EML4: variants seen among roughly 807,000 people sequenced by gnomAD.
EML4 encodes echinoderm microtubule-associated protein-like 4.
In EML4, 72 loss-of-function variants were observed where a neutral mutation model predicts 129.0. That is an observed-to-expected ratio of 0.56 (90% CI 0.46 to 0.68). The LOEUF is 0.68. EML4 is among the 30% of genes least tolerant of loss of function. EML4 has a pLI of 0.00. For missense variants in EML4, 1,363 were observed against 1,190.6 expected, an observed-to-expected ratio of 1.14 and a Z score of -2.13; for synonymous variants, 532 against 405.0, an observed-to-expected ratio of 1.31 and a Z score of -3.77.
At chr2:42,278,381 C>G (rs1322064014) in intron 6 of EML4, among the ~76,000 whole-genome samples, 3 of 151,976 alleles carry the variant, frequency 2.0e-5, no homozygotes, top group African/African-American at 4.8e-5. Context: ...TGAGACCAAT[C>G]TGGCCAACGT....
Position 42,195,552 on chromosome 2 carries a change from T to C in EML4, c.25+25916T>C, listed in dbSNP as rs560856060. Among the ~76,000 whole-genome samples, 8 of 152,302 alleles carry C rather than the reference T, an allele frequency of 5.3e-5. No homozygotes were observed. The East Asian group carries it at 1.5e-3, about 29-fold the overall frequency. ...ATACAAGACATAGAAAAATTTAAAATGTACGTTTGCATATGCTTGTGCCAA... is the reference window on the plus strand; with the variant it reads ...ATACAAGACATAGAAAAATTTAAAACGTACGTTTGCATATGCTTGTGCCAA... On this transcript the variant is annotated intron_variant, in intron 1 of 22. Transcript: ENST00000318522.
intron 9 of EML4, chr2:42,286,067 C>G (rs1472155680): frequency 1.6e-6 from 1 of 618,064 alleles, no homozygotes; most frequent in Non-Finnish European, 2.9e-6. Flanking sequence ...AGTAAATACA[C>G]AAGTTATTTG....
At chr2:42,254,899 C>G (rs944293617) in intron 2 of EML4, among the ~76,000 whole-genome samples, 3 of 151,922 alleles carry the variant, frequency 2.0e-5, no homozygotes, top group African/African-American at 7.3e-5. Context: ...TGATCATCAA[C>G]AGATGAATGG....
intron 17 of EML4, among the ~76,000 whole-genome samples, chr2:42,314,442 T>G (rs900754886): frequency 2.6e-5 from 4 of 152,186 alleles, no homozygotes; most frequent in Admixed American, 6.5e-5. Flanking sequence ...GCTGAAACTT[T>G]TAGGCAGCTA....
chr2:42,289,279 A>G (rs1035150545), intron 11 of EML4: 2 of 152,198 alleles, frequency 1.3e-5, no homozygotes, highest in Admixed American at 6.5e-5. Context: ...CTTCATAGTA[A>G]GGTTTACCAG....
intron 11 of EML4, chr2:42,288,825 G>C (rs925365659): frequency 3.9e-5 from 6 of 152,384 alleles, no homozygotes; most frequent in African/African-American, 1.2e-4. Flanking sequence ...CAGTACAAGG[G>C]TTGATCTCTG....
intron 1 of EML4, among the ~76,000 whole-genome samples, chr2:42,227,624 TG>T (rs1485476462): frequency 6.6e-6 from 1 of 152,144 alleles, no homozygotes; most frequent in Non-Finnish European, 1.5e-5. Context: ...TTGAACTGTG[TG>T]GGTCCACTTA....
At chr2:42,184,758 C>G (rs1671148010) in intron 1 of EML4, among the ~76,000 whole-genome samples, 1 of 152,104 alleles carries the variant, frequency 6.6e-6, no homozygotes, top group African/African-American at 2.4e-5. Context: ...ATTTGATTTT[C>G]CTTACAGAGA....
intron 13 of EML4, among the ~76,000 whole-genome samples, chr2:42,298,417 T>C (rs1464974853): frequency 6.6e-6 from 1 of 152,156 alleles, no homozygotes; most frequent in Non-Finnish European, 1.5e-5. Context: ...AATTCAAGGA[T>C]AATTATTTTC....
intron 11 of EML4, among the ~76,000 whole-genome samples, chr2:42,293,108 C>CTT (rs919853054): frequency 6.8e-6 from 1 of 147,206 alleles, no homozygotes; most frequent in Non-Finnish European, 1.5e-5. Flanking sequence ...TTATCTTCAA[C>CTT]TTTTTTTTTT....
chr2:42,225,330 G>C (rs1300813330), intron 1 of EML4, among the ~76,000 whole-genome samples: 1 of 152,082 alleles, frequency 6.6e-6, no homozygotes, highest in Non-Finnish European at 1.5e-5. Flanking sequence ...AATGCCCACT[G>C]TTTTCTATGG....
intron 1 of EML4, among the ~76,000 whole-genome samples, chr2:42,207,763 T>C (rs1672648020): frequency 6.6e-6 from 1 of 152,262 alleles, no homozygotes; most frequent in Non-Finnish European, 1.5e-5. Context: ...GACTTGTCTC[T>C]GAGTTTGGCA....
intron 1 of EML4, among the ~76,000 whole-genome samples, chr2:42,236,933 T>C (rs900541033): frequency 2.0e-5 from 3 of 152,222 alleles, no homozygotes; most frequent in African/African-American, 4.8e-5. Context: ...TCTCATTTTA[T>C]GTTTGTTGAC....
At chr2:42,173,159 C>T (rs555750954) in intron 1 of EML4, among the ~76,000 whole-genome samples, 6 of 152,214 alleles carry the variant, frequency 3.9e-5, no homozygotes, top group African/African-American at 1.4e-4. Flanking sequence ...GTCTTTTTAA[C>T]ATCACATTGT....
chr2:42,220,884 A>G (rs905941746), intron 1 of EML4, among the ~76,000 whole-genome samples: 1 of 152,188 alleles, frequency 6.6e-6, no homozygotes, highest in African/African-American at 2.4e-5. Context: ...ACCAGACACA[A>G]CATTCCCTTA....
At position 42,256,624 on chromosome 2, in the gene EML4, C is replaced by T. The variant is rs1676169853; in HGVS notation, c.332C>T (p.Ala111Val). 1.9e-6 allele frequency: 3 copies of T among 1,613,316 alleles called. No homozygotes were observed. In the Admixed American group the frequency reaches 5.0e-5, roughly 27 times the overall value. ...IAGKETLSSA[A>V]KSGTEKKKEK... ...GGAAAAGAAACTCTTTCATCTGCTG[C>T]TAAAAGGTACCCATTTATGAAAGGG... The change falls in exon 3 of 23, where the codon GCT becomes GTT. Residue 111 changes from alanine to valine, a missense_variant. Physicochemically the swap from Ala to Val is moderately conservative, Grantham distance 64. Transcript: ENST00000318522.
rs192331340 is a variant in EML4 at position 42,244,639 on chromosome 2, T to C, written c.26-866T>C. On this transcript the variant is annotated intron_variant, in intron 1 of 22. Coordinates refer to ENST00000318522, the MANE Select transcript of EML4 (RefSeq NM_019063.5). ...GAGAGAAGGAGCAGCAAAAGGTCTT[T>C]TGTTAATTACATAGCAATACCGAGT... Among the ~76,000 whole-genome samples, 461 of 152,256 alleles carry C rather than the reference T, an allele frequency of 3.0e-3. 2 individuals carry two copies. The highest frequency in any genetic ancestry group is 0.011 in the African/African-American group (446 of 41,528).
chr2:42,325,602 T>TTTTATATATATATATA (rs1286364147), intron 20 of EML4, 48 bp downstream of exon 20: 23 of 129,330 alleles, frequency 1.8e-4, no homozygotes, highest in African/African-American at 5.0e-4. Context: ...ATGATTATAT[T>TTTTATATATATATATA]TATATATATA....
At chr2:42,178,113 A>G (rs1200493329) in intron 1 of EML4, among the ~76,000 whole-genome samples, 3 of 152,160 alleles carry the variant, frequency 2.0e-5, no homozygotes, top group Non-Finnish European at 2.9e-5. Flanking sequence ...TATGTTTAAC[A>G]GCAGCAGCAG....
Sources: allele counts gnomAD v4.1 joint callset (sites outside exome capture counted in the v4.1 genomes callset), GRCh38; gene constraint gnomAD v4.1.1; transcripts MANE v1.5; gene names NCBI Gene and HGNC (gene_info 2026-07-23, HGNC 2026-07-21).